Variants in LPP observed in about 807,000 individuals in gnomAD.
LPP encodes the protein lipoma-preferred partner.
In LPP, 38 loss-of-function variants were observed where a neutral mutation model predicts 60.4. The observed-to-expected ratio is 0.63, with a 90% confidence interval of 0.49 to 0.83. The LOEUF (loss-of-function observed/expected upper bound fraction) is 0.83, where lower values mean the gene tolerates loss of function less well. Ranked by LOEUF, LPP falls within the 40% of genes least tolerant of loss-of-function variation. The pLI, the probability that LPP is intolerant of heterozygous loss-of-function variation, is 0.00. For synonymous variants in LPP, 328 were observed against 290.8 expected, an observed-to-expected ratio of 1.13 and a Z score of -1.30; for missense variants, 902 against 783.6, an observed-to-expected ratio of 1.15 and a Z score of -1.80.
chr3:188,402,120 G>A (rs1298628786), intron 3 of LPP, among the ~76,000 whole-genome samples: 1 of 152,096 alleles, frequency 6.6e-6, no homozygotes, highest in East Asian at 1.9e-4. Context: ...GATGTATTTA[G>A]ATGACTTTAT....
chr3:188,518,727 G>T (rs2150116741), intron 5 of LPP, among the ~76,000 whole-genome samples: 1 of 152,310 alleles, frequency 6.6e-6, no homozygotes, highest in Admixed American at 6.5e-5. Context: ...GGTCATGTAT[G>T]TTTTGAGTAT....
chr3:188,492,783 A>AGGGG (rs1808785360), intron 5 of LPP, among the ~76,000 whole-genome samples: 1 of 152,236 alleles, frequency 6.6e-6, no homozygotes, highest in Non-Finnish European at 1.5e-5. Flanking sequence ...TATGAGGGAA[A>AGGGG]AATTATGATC....
At chr3:188,636,385 G>A (rs1047974270) in intron 7 of LPP, among the ~76,000 whole-genome samples, 2 of 152,156 alleles carry the variant, frequency 1.3e-5, no homozygotes, top group Admixed American at 6.5e-5. Flanking sequence ...ATTATATCCC[G>A]CACCTTGCTC....
chr3:188,328,330 A>C (rs1436147845), intron 2 of LPP, among the ~76,000 whole-genome samples: 1 of 152,194 alleles, frequency 6.6e-6, no homozygotes, highest in Non-Finnish European at 1.5e-5. Flanking sequence ...TCACTCACTT[A>C]TTCAGTTCTT....
intron 2 of LPP, among the ~76,000 whole-genome samples, chr3:188,318,595 T>C (rs1248627291): frequency 6.6e-6 from 1 of 152,058 alleles, no homozygotes; most frequent in African/African-American, 2.4e-5. Context: ...TCCATCTACC[T>C]ACCTACCTAC....
chr3:188,252,255 A>G (rs1272536564), intron 2 of LPP, among the ~76,000 whole-genome samples: 3 of 142,080 alleles, frequency 2.1e-5, no homozygotes, highest in Admixed American at 1.4e-4. Context: ...CATGTTGTAT[A>G]TCTTCTTTTG....
intron 1 of LPP, among the ~76,000 whole-genome samples, chr3:188,207,555 A>T: frequency 6.7e-6 from 1 of 150,310 alleles, no homozygotes. Flanking sequence ...CTTGATTTTA[A>T]CTTGCTGGTC....
intron 1 of LPP, among the ~76,000 whole-genome samples, chr3:188,186,767 C>T (rs1726726087): frequency 6.7e-6 from 1 of 150,266 alleles, no homozygotes; most frequent in Admixed American, 6.8e-5. Context: ...TTGGTGGTTA[C>T]TATCATATTT....
intron 2 of LPP, among the ~76,000 whole-genome samples, chr3:188,337,633 T>C (rs1762013693): frequency 6.6e-6 from 1 of 152,204 alleles, no homozygotes; most frequent in South Asian, 2.1e-4. Context: ...GCCTTAGTTA[T>C]TATTTTTTCT....
At chr3:188,515,629 C>A (rs1485130456) in intron 5 of LPP, among the ~76,000 whole-genome samples, 1 of 152,094 alleles carries the variant, frequency 6.6e-6, no homozygotes, top group East Asian at 1.9e-4. Context: ...ATGTATTCCC[C>A]CTTATGAATG....
chr3:188,528,378 T>C (rs969053963), intron 6 of LPP, among the ~76,000 whole-genome samples: 1 of 152,044 alleles, frequency 6.6e-6, no homozygotes, highest in African/African-American at 2.4e-5. Context: ...TTAAATCTTT[T>C]TTTTCCTCCC....
intron 9 of LPP, among the ~76,000 whole-genome samples, chr3:188,836,072 T>G (rs1044460144): frequency 1.3e-5 from 2 of 152,222 alleles, no homozygotes; most frequent in African/African-American, 4.8e-5. Context: ...ATATGTTGTT[T>G]CTGTCCAGAA....
chr3:188,243,141 A>G (rs1442029146), intron 2 of LPP, among the ~76,000 whole-genome samples: 1 of 152,216 alleles, frequency 6.6e-6, no homozygotes, highest in African/African-American at 2.4e-5. Context: ...AAAAATACTA[A>G]TAAGAAATGC....
chr3:188,562,329 A>T (rs1186782332), intron 6 of LPP: 1 of 152,008 alleles, frequency 6.6e-6, no homozygotes, highest in Non-Finnish European at 1.5e-5. Context: ...GCAGGACGTG[A>T]CTTTTGATAT....
intron 4 of LPP, among the ~76,000 whole-genome samples, chr3:188,476,487 T>G (rs6444296): frequency 0.56 from 84,781 of 152,016 alleles, 23,989 homozygotes; most frequent in Middle Eastern, 0.69. Flanking sequence ...AAAGTGATAT[T>G]GCTGAATTAA....
chr3:188,371,641 A>ATATATATTTTTT (rs1553878071), intron 3 of LPP, among the ~76,000 whole-genome samples: 2 of 32,172 alleles, frequency 6.2e-5, no homozygotes, highest in Non-Finnish European at 1.0e-4. Flanking sequence ...ATATATATAT[A>ATATATATTTTTT]TTTTTTTTTT....
At chr3:188,242,056 A>G (rs1446505458) in intron 2 of LPP, among the ~76,000 whole-genome samples, 3 of 152,250 alleles carry the variant, frequency 2.0e-5, no homozygotes, top group South Asian at 4.1e-4. Context: ...TTTTTGGGCT[A>G]ATAGGTGTTA....
chr3:188,548,091 G>A (rs557029469), intron 6 of LPP, among the ~76,000 whole-genome samples: 14 of 152,244 alleles, frequency 9.2e-5, no homozygotes, highest in Non-Finnish European at 1.8e-4. Flanking sequence ...TGATCCTAGC[G>A]TAAATTCCTG....
intron 8 of LPP, among the ~76,000 whole-genome samples, chr3:188,719,061 A>T (rs528053095): frequency 6.6e-6 from 1 of 152,138 alleles, no homozygotes. Context: ...ATTGAACTTA[A>T]ATTTAAATTG....
Sources: gnomAD v4.1 joint callset for allele counts (sites outside exome capture counted in the v4.1 genomes callset) on GRCh38, gnomAD v4.1.1 for gene constraint, MANE v1.5 for transcripts, NCBI Gene and HGNC (gene_info 2026-07-23, HGNC 2026-07-21) for gene names.